The following BRAT1 variants were observed in gnomAD, a reference collection of about 807,000 sequenced individuals.
BRAT1 encodes BRCA1 associated ATM activator 1.
A neutral mutation model predicts 70.6 loss-of-function variants in BRAT1; 74 were observed. The ratio of observed to expected loss-of-function variants is 1.05; its 90% confidence interval spans 0.87 to 1.27. The LOEUF (loss-of-function observed/expected upper bound fraction) is 1.27. Among genes scored for constraint, BRAT1 ranks in the 50% most tolerant of loss-of-function variants. The probability of loss-of-function intolerance (pLI) is 0.00; values close to 1 mark genes in which losing one functional copy is unlikely to be tolerated. For missense variants in BRAT1, 1,203 were observed against 1,098.2 expected (o/e 1.10, Z -1.35); for synonymous variants, 615 against 517.1 (o/e 1.19, Z -2.57).
chr7:2,550,029 G>A (rs1779883642), intron 2 of BRAT1, among the ~76,000 whole-genome samples: 1 of 151,908 alleles, frequency 6.6e-6, no homozygotes, highest in African/African-American at 2.4e-5. Context: ...TGGGTGTGGT[G>A]GTGTGTCCCT....
chr7:2,538,661 G>A lies in BRAT1; in HGVS notation c.1874C>T (p.Ala625Val). The A allele has an allele frequency of 6.3e-7, 1 of 1,598,334 alleles. No homozygotes were observed. The highest frequency in any genetic ancestry group is 8.5e-7 in the Non-Finnish European group (1 of 1,179,696). ...CTGCTCCGTGTCCTGGGCCGCGTCG[G>A]CGTGGCCGTCCCGCAGCCACTCAGT... ...VFTEWLRDGH[A>V]DAAQDTEQFV... The change falls in exon 14 of 14, where the codon GCC becomes GTC. Residue 625 changes from alanine to valine, a missense_variant. Transcript: ENST00000340611.
Position 2,554,359 on chromosome 7 carries a change from C to A in BRAT1, c.73G>T (p.Asp25Tyr). The A allele has an allele frequency of 1.9e-6, 3 of 1,614,128 alleles. No homozygotes were observed. Among genetic ancestry groups the A allele is most frequent in the Non-Finnish European group, 2.5e-6 (3 of 1,179,980 alleles). Residue 25 changes from aspartate (D) to tyrosine (Y), a missense_variant, in exon 2 of 14, where the codon GAT becomes TAT. Physicochemically the swap from Asp to Tyr is radical, Grantham distance 160. Coordinates refer to ENST00000340611, the MANE Select transcript of BRAT1 (RefSeq NM_152743.4). ...AGGAGCTTCTCCAAACAGGTGTCAT[C>A]TGCCACCGGCTGCCTGGGATCTACC... The part of the protein sequence containing the change: ...VLVDPRQPVA[D>Y]DTCLEKLLDW...
chr7:2,554,277 G>T, intron 2 of BRAT1, 28 bp downstream of exon 2: 1 of 1,610,226 alleles, frequency 6.2e-7, no homozygotes, highest in Non-Finnish European at 8.5e-7. Context: ...CTCTGGATAG[G>T]CAGTAAACAG....
intron 13 of BRAT1, 92 bp from the exon 14 acceptor site, chr7:2,538,856 C>A: frequency 6.5e-7 from 1 of 1,542,064 alleles, no homozygotes; most frequent in Non-Finnish European, 8.7e-7. Flanking sequence ...GGGCTGGCCC[C>A]GGACATGCAG....
rs759517314 is a variant in BRAT1 at position 2,538,744 on chromosome 7, C to T, written c.1791G>A (p.Leu597=). The T allele has an allele frequency of 7.4e-5, 119 of 1,598,252 alleles. No homozygotes were observed. Among genetic ancestry groups the T allele is most frequent in the Middle Eastern group, 1.6e-4 (1 of 6,082 alleles). Residue 597 remains leucine (L), a synonymous_variant, in exon 14 of 14, where the codon CTG becomes CTA. Transcript: ENST00000340611. ...EARQSLFLEL[L]HILSVDSEGF... is the part of the protein sequence containing the mutation. The stretch of plus-strand genomic sequence containing the variant: ...CCTCCGAGTCTACGGAGAGGATGTG[C>T]AGGAGCTCCAGGAACAGGCTCTGGG...
intron 3 of BRAT1, among the ~76,000 whole-genome samples, chr7:2,545,753 G>A (rs898891782): frequency 6.6e-6 from 1 of 152,148 alleles, no homozygotes; most frequent in Non-Finnish European, 1.5e-5. Context: ...GCCTCCCAAA[G>A]TGCTGGGATT....
At chr7:2,548,544 C>T (rs1011389978) in intron 2 of BRAT1, among the ~76,000 whole-genome samples, 2 of 151,540 alleles carry the variant, frequency 1.3e-5, no homozygotes, top group African/African-American at 4.8e-5. Flanking sequence ...CACACATCTG[C>T]AGTCCCAGCT....
chr7:2,541,343 G>T lies in BRAT1; in HGVS notation c.1276C>A (p.Gln426Lys), dbSNP rs766550621. Residue 426 changes from glutamine to lysine, a missense_variant, in exon 9 of 14, where the codon CAG becomes AAG. Coordinates refer to ENST00000340611, the MANE Select transcript of BRAT1 (RefSeq NM_152743.4). Reference protein sequence around the residue: ...CGTLAGCVRVQRAALDFLGTL... With the variant: ...CGTLAGCVRVKRAALDFLGTL... Reference sequence around the variant, plus strand: ...CCCAGGAAGTCGAGGGCTGCTCGCTGGACCCGGACGCAGCCCGCCAGGGTC... The same window carrying T: ...CCCAGGAAGTCGAGGGCTGCTCGCTTGACCCGGACGCAGCCCGCCAGGGTC... The T allele has an allele frequency of 1.2e-6, 2 of 1,604,852 alleles. No homozygotes were observed. The highest frequency in any genetic ancestry group is 1.7e-6 in the Non-Finnish European group (2 of 1,179,228).
chr7:2,543,814 C>G lies in BRAT1; in HGVS notation c.579G>C (p.Ala193=). The part of the protein sequence containing the change: ...QPCLPGGDWP[A]CAQKIMDHVE... The stretch of plus-strand genomic sequence containing the variant: ...CGTGATCCATGATCTTCTGGGCACA[C>G]GCGGGCCAGTCACCCCCCGGCAGGC... Residue 193 remains alanine (A), a synonymous_variant, in exon 5 of 14, where the codon GCG becomes GCC. Coordinates refer to ENST00000340611, the MANE Select transcript of BRAT1 (RefSeq NM_152743.4). This position sits in a 1 kb window ranked among gnomAD's most constrained non-coding sequence, Gnocchi z 5.5. 1 of 1,612,926 alleles carries G rather than the reference C, an allele frequency of 6.2e-7. No individual in the cohort carries two copies. The highest frequency in any genetic ancestry group is 8.5e-7 in the Non-Finnish European group (1 of 1,179,872).
intron 1 of BRAT1, among the ~76,000 whole-genome samples, chr7:2,554,869 A>G (rs1245282788): frequency 6.6e-6 from 1 of 152,084 alleles, no homozygotes; most frequent in Non-Finnish European, 1.5e-5. Flanking sequence ...CCTGGGCTGG[A>G]AAGTTTCTGT....
At chr7:2,550,155 CCT>C (rs1248685952) in intron 2 of BRAT1, among the ~76,000 whole-genome samples, 2 of 143,598 alleles carry the variant, frequency 1.4e-5, no homozygotes, top group African/African-American at 2.6e-5. Context: ...AGAGTGAGAC[CCT>C]GTCTCCAAAA....
At chr7:2,548,313 C>G (rs1212502310) in intron 2 of BRAT1, among the ~76,000 whole-genome samples, 1 of 151,888 alleles carries the variant, frequency 6.6e-6, no homozygotes. Flanking sequence ...GTGAGAAGCC[C>G]CTGTGGAAAG....
chr7:2,539,305 C>A lies in BRAT1; in HGVS notation c.1644G>T (p.Gln548His), dbSNP rs756528477. 4.3e-6 allele frequency: 7 copies of A among 1,611,926 alleles called. No homozygotes were observed. The South Asian group carries it at 6.6e-5, about 15-fold the overall frequency. The change falls in exon 13 of 14, where the codon CAG (glutamine) becomes CAT (histidine). Residue 548 changes from glutamine to histidine, a missense_variant. Coordinates refer to ENST00000340611, the MANE Select transcript of BRAT1 (RefSeq NM_152743.4). The stretch of plus-strand genomic sequence containing the variant: ...GGTCCTGGAGGAGCTGCAGGGCCAG[C>A]TGAGGCACCTCTGAAGCCAAGAGTG... ...RCALLASEVP[Q>H]LALQLLQDPE... is the part of the protein sequence containing the mutation.
chr7:2,545,044 G>T lies in BRAT1; in HGVS notation c.295C>A (p.Leu99Ile). 1.3e-6 allele frequency: 2 copies of T among 1,506,346 alleles called. No homozygotes were observed. Among genetic ancestry groups the T allele is most frequent in the Admixed American group, 2.3e-5 (1 of 43,062 alleles). 93.3% of individuals were successfully genotyped at this position (1,506,346 alleles called of 1,614,324 possible). Residue 99 changes from leucine (L) to isoleucine (I), a missense_variant, in exon 4 of 14, where the codon CTA becomes ATA. Transcript: ENST00000340611. ...CCTGGCTCCCCAAAGAGCCCTGGTA[G>T]TAACTCCCCCTGCTGGGAAGCAAAA... ...CFQYLQQGELLPGLFGEPGPL... is the reference protein window; with the variant it reads ...CFQYLQQGELIPGLFGEPGPL...
At chr7:2,539,674 T>C (rs770442549) in intron 11 of BRAT1, 32 bp from the exon 12 acceptor site, 16 of 1,565,732 alleles carry the variant, frequency 1.0e-5, no homozygotes, top group Admixed American at 1.9e-5. Context: ...CAGGGTGACC[T>C]TGGGGCCAGG....
At chr7:2,550,467 C>CAAAAAAAAAAAAAAAAA (rs71550358) in intron 2 of BRAT1, among the ~76,000 whole-genome samples, 1 of 32,676 alleles carries the variant, frequency 3.1e-5, no homozygotes, top group Non-Finnish European at 5.7e-5. Context: ...GACTCCATCT[C>CAAAAAAAAAAAAAAAAA]AAAAAAAAAA....
chr7:2,545,365 A>C (rs13242394), intron 3 of BRAT1, among the ~76,000 whole-genome samples: 1 of 103,006 alleles, frequency 9.7e-6, no homozygotes, highest in African/African-American at 5.0e-5. Flanking sequence ...CTCCATCTCA[A>C]AAAAAAAAAA....
intron 9 of BRAT1, 24 bp from the exon 10 acceptor site, chr7:2,541,076 A>ACCACCC (rs778165419): frequency 9.0e-6 from 12 of 1,333,988 alleles, no homozygotes; most frequent in East Asian, 7.0e-5. Context: ...GAGTGGATAA[A>ACCACCC]CCACCCCCAC....
chr7:2,545,362 T>TGAAAAAAAAA (rs1779525296), intron 3 of BRAT1, among the ~76,000 whole-genome samples: 1 of 26,004 alleles, frequency 3.8e-5, no homozygotes. Context: ...AGACTCCATC[T>TGAAAAAAAAA]CAAAAAAAAA....
Sources: gnomAD v4.1 joint callset for allele counts (sites outside exome capture counted in the v4.1 genomes callset) on GRCh38, gnomAD v4.1.1 for gene constraint, Gnocchi (gnomAD v3.1) non-coding constraint, MANE v1.5 for transcripts, NCBI Gene and HGNC (gene_info 2026-07-23, HGNC 2026-07-21) for gene names.